PLAGL1: variants seen among roughly 807,000 people sequenced by gnomAD.
PLAGL1 encodes the protein zinc finger protein PLAGL1.
In PLAGL1, 1 loss-of-function variant was observed where a neutral mutation model predicts 4.6. That is an observed-to-expected ratio of 0.22 (90% confidence interval 0.08 to 1.03). The LOEUF is 1.03. PLAGL1 is among the 50% of genes least tolerant of loss of function. The probability of loss-of-function intolerance (pLI) is 0.58; values close to 1 mark genes in which losing one functional copy is unlikely to be tolerated. For missense variants in PLAGL1, 464 were observed against 570.4 expected (o/e 0.81, Z 1.90); for synonymous variants, 240 against 237.8 (o/e 1.01, Z -0.08).
In PLAGL1 at chr6:143,942,670, G is replaced by A; in HGVS notation, c.153-7C>T. ...AGAATGGGTAGCCATATGCCTAGGA[G>A]CAGAAGGAGAAATTTCACAATAGAG... On this transcript the variant is annotated splice_polypyrimidine_tract_variant and splice_region_variant and intron_variant, in intron 7 of 7. Transcript: ENST00000674357. The surrounding 1 kb of genome is among the most constrained non-coding windows in gnomAD (Gnocchi z 7.6). 1.2e-6 allele frequency: 2 copies of A among 1,601,606 alleles called. No homozygotes were observed. The highest frequency in any genetic ancestry group is 1.7e-6 in the Non-Finnish European group (2 of 1,173,518).
At position 143,985,216 on chromosome 6, in the gene PLAGL1, G is replaced by T. The variant is rs1478101034; in HGVS notation, c.-583-42C>A. ...AAATTACTAGTTTTGTATAATATTT[G>T]CACATGCATTTGTTAATTATAATTT... is the stretch of plus-strand genomic sequence containing the variant. On this transcript the variant is annotated intron_variant, in intron 1 of 7. Coordinates refer to ENST00000674357, the MANE Select transcript of PLAGL1 (RefSeq NM_001317162.2). The surrounding 1 kb of genome is among the most constrained non-coding windows in gnomAD (Gnocchi z 4.4). 1 of 152,118 alleles carries T rather than the reference G, an allele frequency of 6.6e-6. No homozygotes were observed. Among genetic ancestry groups the T allele is most frequent in the African/African-American group, 2.4e-5 (1 of 41,432 alleles). The allele number at this position is 152,118 out of a possible 1,614,324, so 9.4% of individuals were successfully genotyped here.
Position 143,964,913 on chromosome 6 carries a change from CG to C in PLAGL1, c.-430-96del, listed in dbSNP as rs1784131452. Reference sequence around the variant, plus strand: ...CAAAAACACCCAAGTGGGGGGGGAACGGAAGTCTACTTGGAAGAGGAAAGAG... The same window carrying C: ...CAAAAACACCCAAGTGGGGGGGGAACGAAGTCTACTTGGAAGAGGAAAGAG... On this transcript the variant is annotated intron_variant, in intron 4 of 7. Coordinates refer to ENST00000674357, the MANE Select transcript of PLAGL1 (RefSeq NM_001317162.2). This position sits in a 1 kb window ranked among gnomAD's most constrained non-coding sequence, Gnocchi z 4.3. 6.6e-6 allele frequency: 1 copy of C among 152,060 alleles called. No homozygotes were observed. Among genetic ancestry groups the C allele is most frequent in the African/African-American group, 2.4e-5 (1 of 41,382 alleles). The allele number at this position is 152,060 out of a possible 1,614,324, so 9.4% of individuals were successfully genotyped here. A position where few individuals can be genotyped will look rare whatever the true frequency, so the allele number is the denominator to read the frequency against.
rs190671259 is a variant in PLAGL1 at position 144,063,715 on chromosome 6, G to T, written c.-151+753C>A. Among the ~76,000 whole-genome samples, 15 of 152,256 alleles carry T rather than the reference G, an allele frequency of 9.9e-5. No homozygotes were observed. The highest frequency in any genetic ancestry group is 9.8e-4 in the Admixed American group (15 of 15,304). On this transcript the variant is annotated intron_variant, in intron 1 of 3. Transcript: ENST00000437412. This position sits in a 1 kb window ranked among gnomAD's most constrained non-coding sequence, Gnocchi z 5.7. ...CATGAACACTCGGGAAGCCCCAGGG[G>T]TATCTCTGTCCTCGACACAGCAGGG...
At chr6:143,991,362 T>C (rs1790437666) in intron 1 of PLAGL1, among the ~76,000 whole-genome samples, 2 of 152,214 alleles carry the variant, frequency 1.3e-5, no homozygotes, top group South Asian at 4.1e-4. Context: ...CATGTTTGAA[T>C]GTGGACTTCT....
intron 1 of PLAGL1, among the ~76,000 whole-genome samples, chr6:144,029,640 A>T (rs184369262): frequency 2.0e-5 from 3 of 152,232 alleles, no homozygotes; most frequent in African/African-American, 7.2e-5. Flanking sequence ...CTTAACACAT[A>T]CTATGCTGTC....
At position 143,995,111 on chromosome 6, in the gene PLAGL1, C is replaced by A. The variant is rs909728741; in HGVS notation, c.-583-9937G>T. Reference sequence around the variant, plus strand: ...TGGGAAAGGCTTCATTCTTTCTCAGCCAAAATTTTCTTATTTGTACAAAGG... The same window carrying A: ...TGGGAAAGGCTTCATTCTTTCTCAGACAAAATTTTCTTATTTGTACAAAGG... On this transcript the variant is annotated intron_variant, in intron 1 of 7. Coordinates refer to ENST00000674357, the MANE Select transcript of PLAGL1 (RefSeq NM_001317162.2). This position sits in a 1 kb window ranked among gnomAD's most constrained non-coding sequence, Gnocchi z 4.4. 1.3e-5 allele frequency among the ~76,000 whole-genome samples: 2 copies of A among 149,410 alleles called. No individual in the cohort carries two copies. The highest frequency in any genetic ancestry group is 3.0e-5 in the Non-Finnish European group (2 of 67,498).
Position 143,957,847 on chromosome 6 carries a change from A to G in PLAGL1, c.-325+2622T>C, listed in dbSNP as rs1782480340. Among the ~76,000 whole-genome samples, 3 of 152,340 alleles carry G rather than the reference A, an allele frequency of 2.0e-5. No individual in the cohort carries two copies. Among genetic ancestry groups the G allele is most frequent in the South Asian group, 4.1e-4 (2 of 4,832 alleles). On this transcript the variant is annotated intron_variant, in intron 6 of 7. Coordinates refer to ENST00000674357, the MANE Select transcript of PLAGL1 (RefSeq NM_001317162.2). The surrounding 1 kb of genome is among the most constrained non-coding windows in gnomAD (Gnocchi z 4.2). ...AAGGCCTTGAAGTACAGATAACTACATGGGAGCAGGGTATCTTGACACTGG... is the reference window on the plus strand; with the variant it reads ...AAGGCCTTGAAGTACAGATAACTACGTGGGAGCAGGGTATCTTGACACTGG...
In PLAGL1 at chr6:144,039,405, C is replaced by A. The variant is rs1251538775; in HGVS notation, c.-151+25063G>T. Among the ~76,000 whole-genome samples the A allele has an allele frequency of 1.3e-5, 2 of 152,038 alleles. No homozygotes were observed. The highest frequency in any genetic ancestry group is 6.6e-5 in the Admixed American group (1 of 15,254). On this transcript the variant is annotated intron_variant, in intron 1 of 3. Coordinates refer to the PLAGL1 transcript ENST00000437412. The surrounding 1 kb of genome is among the most constrained non-coding windows in gnomAD (Gnocchi z 4.1). ...TTTGAAACCAGTCTGGCCAACATGG[C>A]AAAACCCCATCTCTACAAAAAAATA...
In PLAGL1 at chr6:143,985,901, G is replaced by GTC. The variant is rs1336342378; in HGVS notation, c.-583-728_-583-727insGA. Among the ~76,000 whole-genome samples, 3 of 137,876 alleles carry GTC rather than the reference G, an allele frequency of 2.2e-5. No individual in the cohort carries two copies. Among genetic ancestry groups the GTC allele is most frequent in the African/African-American group, 9.3e-5 (3 of 32,322 alleles). The allele number at this position is 137,876 out of a possible 152,430, so 90.5% of individuals were successfully genotyped here. ...AGCTACATATTATATATTATTATGT[G>GTC]TGTGTGTGTGTGTGTGTATACACAC... On this transcript the variant is annotated intron_variant, in intron 1 of 7. Coordinates refer to ENST00000674357, the MANE Select transcript of PLAGL1 (RefSeq NM_001317162.2). This position sits in a 1 kb window ranked among gnomAD's most constrained non-coding sequence, Gnocchi z 4.4.
rs377221585 is a variant in PLAGL1, at chr6:144,055,473, C to T, written c.-151+8995G>A. 2.6e-5 allele frequency among the ~76,000 whole-genome samples: 4 copies of T among 152,124 alleles called. No individual in the cohort carries two copies. In the East Asian group the frequency reaches 5.8e-4, roughly 22 times the overall value. On this transcript the variant is annotated intron_variant, in intron 1 of 3. Transcript: ENST00000437412. This position sits in a 1 kb window ranked among gnomAD's most constrained non-coding sequence, Gnocchi z 5.0. ...TTATCTGTGTTAAATTGCTTTTGTC[C>T]CCAAATCTAGCTTCTTGTTGCCCTG...
chr6:144,038,311 T>C (rs1276655273), intron 1 of PLAGL1, among the ~76,000 whole-genome samples: 2 of 152,216 alleles, frequency 1.3e-5, no homozygotes, highest in Non-Finnish European at 2.9e-5. Context: ...GTTAATTTCA[T>C]TGTAGAAACT....
At position 144,043,475 on chromosome 6, in the gene PLAGL1, G is replaced by A. The variant is rs187927264; in HGVS notation, c.-151+20993C>T. 5.3e-5 allele frequency among the ~76,000 whole-genome samples: 8 copies of A among 152,150 alleles called. No individual in the cohort carries two copies. The East Asian group carries it at 5.8e-4, about 11-fold the overall frequency. On this transcript the variant is annotated intron_variant, in intron 1 of 3. Transcript: ENST00000437412. The stretch of plus-strand genomic sequence containing the variant: ...TGGTTCTGTTTATGTGATAGATTAC[G>A]TTTATCGATTTGCATATTTTGAATC...
At chr6:143,988,933 GAC>G (rs1490536645) in intron 1 of PLAGL1, among the ~76,000 whole-genome samples, 2 of 152,106 alleles carry the variant, frequency 1.3e-5, no homozygotes, top group Non-Finnish European at 2.9e-5. Flanking sequence ...CTTTTGGGGG[GAC>G]ACACACATTC....
chr6:143,941,283 CTCT>C lies in PLAGL1; in HGVS notation c.*138_*140del, dbSNP rs112027877. Reference sequence around the variant, plus strand: ...GCACAATACATGCAGTTCGAGAATTCTCTTATCATCTCAAGCCAGTCATCACTG... The same window carrying C: ...GCACAATACATGCAGTTCGAGAATTCTATCATCTCAAGCCAGTCATCACTG... On this transcript the variant is annotated 3_prime_UTR_variant, in exon 8 of 8. Coordinates refer to ENST00000674357, the MANE Select transcript of PLAGL1 (RefSeq NM_001317162.2). This position sits in a 1 kb window ranked among gnomAD's most constrained non-coding sequence, Gnocchi z 6.0. The C allele has an allele frequency of 1.8e-5, 11 of 604,492 alleles. No homozygotes were observed. Among genetic ancestry groups the C allele is most frequent in the African/African-American group, 1.3e-4 (7 of 53,982 alleles). The allele number at this position is 604,492 out of a possible 1,614,324, so 37.4% of individuals were successfully genotyped here.
chr6:144,058,921 T>C (rs1799188008), intron 1 of PLAGL1, among the ~76,000 whole-genome samples: 2 of 152,196 alleles, frequency 1.3e-5, no homozygotes, highest in South Asian at 4.1e-4. Context: ...TGCAAGCTGC[T>C]GGTGGATCTA....
intron 7 of PLAGL1, among the ~76,000 whole-genome samples, chr6:143,946,457 C>T (rs775980809): frequency 3.3e-4 from 50 of 152,244 alleles, no homozygotes; most frequent in Non-Finnish European, 6.3e-4. Flanking sequence ...CTGCAACAAA[C>T]TCATGCACGT....
rs1436029221 is a variant in PLAGL1 at position 144,016,368 on chromosome 6, A to G, written c.-150-47390T>C. Among the ~76,000 whole-genome samples, 5 of 152,192 alleles carry G rather than the reference A, an allele frequency of 3.3e-5. No homozygotes were observed. The highest frequency in any genetic ancestry group is 5.9e-5 in the Non-Finnish European group (4 of 68,032). On this transcript the variant is annotated intron_variant, in intron 1 of 3. Coordinates refer to the PLAGL1 transcript ENST00000437412. The surrounding 1 kb of genome is among the most constrained non-coding windows in gnomAD (Gnocchi z 4.2). Reference sequence around the variant, plus strand: ...CTTACATTCGCTGGCACCTGACTAGATTATGCCCACCAGATTAAGGGTGGA... The same window carrying G: ...CTTACATTCGCTGGCACCTGACTAGGTTATGCCCACCAGATTAAGGGTGGA...
At chr6:143,999,099 A>G (rs1274994886) in intron 1 of PLAGL1, among the ~76,000 whole-genome samples, 1 of 152,238 alleles carries the variant, frequency 6.6e-6, no homozygotes, top group Admixed American at 6.5e-5. Flanking sequence ...AAGGGCCTAA[A>G]CCAAGGTGCT....
intron 7 of PLAGL1, among the ~76,000 whole-genome samples, chr6:143,943,900 G>A (rs1779186209): frequency 6.6e-6 from 1 of 152,082 alleles, no homozygotes; most frequent in Non-Finnish European, 1.5e-5. Context: ...ACTCACCACT[G>A]GCTTTTAAAA....
Sources: allele counts gnomAD v4.1 joint callset (sites outside exome capture counted in the v4.1 genomes callset), GRCh38; gene constraint gnomAD v4.1.1; non-coding constraint Gnocchi (gnomAD v3.1); transcripts MANE v1.5; gene names NCBI Gene and HGNC (gene_info 2026-07-23, HGNC 2026-07-21).